The following PSD3 variants were observed in gnomAD, a reference collection of about 807,000 sequenced individuals.
The protein encoded by PSD3 is pleckstrin and Sec7 domain containing 3.
In PSD3, 49 loss-of-function variants were observed where a neutral mutation model predicts 105.5. The observed-to-expected ratio is 0.46, with a 90% CI of 0.37 to 0.59. The LOEUF is 0.59. Ranked by LOEUF, PSD3 falls within the 20% of genes least tolerant of loss-of-function variation. PSD3 has a pLI of 0.00. For missense variants in PSD3, 1,561 were observed against 1,263.8 expected, an observed-to-expected ratio of 1.24 and a Z score of -3.57; for synonymous variants, 557 against 457.8, an observed-to-expected ratio of 1.22 and a Z score of -2.77.
chr8:18,731,501 T>C (rs1436833931), intron 9 of PSD3, among the ~76,000 whole-genome samples: 1 of 152,212 alleles, frequency 6.6e-6, no homozygotes, highest in Non-Finnish European at 1.5e-5. Flanking sequence ...ATGATCTCAG[T>C]AATTCTTTTT....
At chr8:18,634,153 G>A (rs1219704829) in intron 10 of PSD3, among the ~76,000 whole-genome samples, 1 of 151,924 alleles carries the variant, frequency 6.6e-6, no homozygotes. Flanking sequence ...GTTCCTTATA[G>A]AAGCTGGATA....
At chr8:18,728,252 T>C (rs940497062) in intron 9 of PSD3, among the ~76,000 whole-genome samples, 2 of 152,186 alleles carry the variant, frequency 1.3e-5, no homozygotes, top group African/African-American at 2.4e-5. Flanking sequence ...ATTGCAAGAA[T>C]TCAATGAAAA....
intron 1 of PSD3, among the ~76,000 whole-genome samples, chr8:18,950,782 C>T (rs7815162): frequency 0.34 from 52,122 of 151,970 alleles, 9,146 homozygotes; most frequent in Middle Eastern, 0.53. Flanking sequence ...ACTGACCTCT[C>T]GGGGAACATC....
At chr8:18,722,847 G>A (rs896529499) in intron 9 of PSD3, among the ~76,000 whole-genome samples, 3 of 152,088 alleles carry the variant, frequency 2.0e-5, no homozygotes, top group Admixed American at 1.3e-4. Context: ...AGTACAATAT[G>A]CCCTCCAAAC....
intron 2 of PSD3, among the ~76,000 whole-genome samples, chr8:18,883,607 C>G (rs1040879336): frequency 6.6e-6 from 1 of 152,138 alleles, no homozygotes; most frequent in African/African-American, 2.4e-5. Context: ...AAAAAAATTA[C>G]TTTGGAGCTT....
intron 2 of PSD3, among the ~76,000 whole-genome samples, chr8:18,877,063 GTTCT>G (rs1295581849): frequency 6.6e-6 from 1 of 152,152 alleles, no homozygotes; most frequent in East Asian, 1.9e-4. Flanking sequence ...CTGGACATAA[GTTCT>G]TTATTAGATG....
intron 15 of PSD3, among the ~76,000 whole-genome samples, chr8:18,547,211 C>T (rs1304251833): frequency 6.6e-6 from 1 of 152,166 alleles, no homozygotes; most frequent in African/African-American, 2.4e-5. Flanking sequence ...GCAGGACACA[C>T]TCTAGCAGTG....
intron 8 of PSD3, 177 bp downstream of exon 8, chr8:18,799,118 T>C: frequency 1.7e-6 from 1 of 590,434 alleles, no homozygotes; most frequent in Non-Finnish European, 3.0e-6. Flanking sequence ...TCATACTCTG[T>C]GCTAGCATGT....
chr8:18,977,611 A>T (rs896088542), intron 1 of PSD3, among the ~76,000 whole-genome samples: 8 of 152,190 alleles, frequency 5.3e-5, no homozygotes, highest in Non-Finnish European at 1.0e-4. Flanking sequence ...TTGTATTCTG[A>T]TATGAGAGAT....
intron 2 of PSD3, among the ~76,000 whole-genome samples, chr8:18,915,518 T>C (rs1481460227): frequency 2.0e-5 from 3 of 152,094 alleles, no homozygotes; most frequent in Admixed American, 1.3e-4. Context: ...AACAACTCAA[T>C]AGCAAGAAAA....
chr8:19,025,949 A>ACT (rs1312779950), intron 1 of PSD3, among the ~76,000 whole-genome samples: 4 of 152,310 alleles, frequency 2.6e-5, no homozygotes, highest in African/African-American at 4.8e-5. Context: ...GGTTTAATGG[A>ACT]CTCACAGTTC....
chr8:18,575,491 T>C (rs1361125175), intron 12 of PSD3, among the ~76,000 whole-genome samples: 1 of 152,156 alleles, frequency 6.6e-6, no homozygotes, highest in Non-Finnish European at 1.5e-5. Context: ...AGAAAATACA[T>C]CTACCCAAGG....
intron 10 of PSD3, among the ~76,000 whole-genome samples, chr8:18,647,605 GTTTT>G (rs11293600): frequency 8.5e-6 from 1 of 117,766 alleles, no homozygotes; most frequent in East Asian, 2.7e-4. Context: ...ATTTAAAACT[GTTTT>G]TTTTTTTTTT....
intron 4 of PSD3, among the ~76,000 whole-genome samples, chr8:18,864,336 G>C (rs1450150581): frequency 6.6e-6 from 1 of 152,106 alleles, no homozygotes; most frequent in South Asian, 2.1e-4. Flanking sequence ...CGGAAAATTA[G>C]AACACTAATA....
rs556381571 is a variant in PSD3 at position 18,687,777 on chromosome 8, T to G, written c.2173-32092A>C. 2.6e-5 allele frequency among the ~76,000 whole-genome samples: 4 copies of G among 151,814 alleles called. No individual in the cohort carries two copies. In the South Asian group the frequency reaches 8.3e-4, roughly 32 times the overall value. ...GAAGCATGATATATATTTTTGCTAT[T>G]TTTTTTTAAGATGGAGTCTTGCTCC... On this transcript the variant is annotated intron_variant, in intron 9 of 15. Transcript: ENST00000327040.
At chr8:18,838,016 G>C (rs1814268173) in intron 4 of PSD3, among the ~76,000 whole-genome samples, 2 of 152,142 alleles carry the variant, frequency 1.3e-5, no homozygotes, top group South Asian at 2.1e-4. Flanking sequence ...GTCGTGTACA[G>C]ACACAGCTCC....
chr8:18,572,240 C>A (rs1056285977), intron 14 of PSD3, among the ~76,000 whole-genome samples: 1 of 152,178 alleles, frequency 6.6e-6, no homozygotes, highest in Admixed American at 6.5e-5. Context: ...TATGAGCTGG[C>A]AGTTAAAACA....
chr8:18,821,594 G>A (rs1258678575), intron 4 of PSD3, among the ~76,000 whole-genome samples: 1 of 151,038 alleles, frequency 6.6e-6, no homozygotes, highest in Non-Finnish European at 1.5e-5. Context: ...CAGTTTCTAT[G>A]GAAATGAACA....
chr8:18,749,083 C>T (rs577265427), intron 9 of PSD3, among the ~76,000 whole-genome samples: 1 of 152,238 alleles, frequency 6.6e-6, no homozygotes, highest in Admixed American at 6.5e-5. Flanking sequence ...AATGATTCTG[C>T]ATGCTACGTG....
Sources: allele counts gnomAD v4.1 joint callset (sites outside exome capture counted in the v4.1 genomes callset), GRCh38; gene constraint gnomAD v4.1.1; transcripts MANE v1.5; gene names NCBI Gene and HGNC (gene_info 2026-07-23, HGNC 2026-07-21).